The following SEC31A variants were observed in gnomAD, a reference collection of about 807,000 sequenced individuals.
SEC31A encodes the protein protein transport protein Sec31A.
In SEC31A, 70 loss-of-function variants were observed where a neutral mutation model predicts 151.0. That is an observed-to-expected ratio of 0.46 (90% CI 0.38 to 0.57). The LOEUF (loss-of-function observed/expected upper bound fraction) is 0.57. Among genes scored for constraint, SEC31A ranks in the 20% least tolerant of loss-of-function variants. The pLI, the probability that SEC31A is intolerant of heterozygous loss-of-function variation, is 0.00. For synonymous variants in SEC31A, 475 were observed against 505.9 expected (o/e 0.94, Z 0.82); for missense variants, 1,330 against 1,471.2 (o/e 0.90, Z 1.57).
intron 18 of SEC31A, among the ~76,000 whole-genome samples, chr4:82,852,888 T>C (rs1303981480): frequency 6.6e-6 from 1 of 152,110 alleles, no homozygotes; most frequent in Admixed American, 6.5e-5. Flanking sequence ...ATAAAACTGT[T>C]CCACCTGGCC....
intron 1 of SEC31A, among the ~76,000 whole-genome samples, chr4:82,889,384 C>T (rs1357049865): frequency 6.6e-6 from 1 of 151,928 alleles, no homozygotes; most frequent in Non-Finnish European, 1.5e-5. Flanking sequence ...AGACCCCCAT[C>T]TCTATAAAAA....
chr4:82,850,615 C>G (rs1167305163), intron 19 of SEC31A, among the ~76,000 whole-genome samples: 2 of 152,134 alleles, frequency 1.3e-5, no homozygotes, highest in Non-Finnish European at 2.9e-5. Flanking sequence ...AAATCAAGCT[C>G]CATCAGACAC....
chr4:82,894,431 T>A (rs955470923), upstream of SEC31A: 2 of 152,240 alleles, frequency 1.3e-5, no homozygotes, highest in Non-Finnish European at 2.9e-5. Context: ...ATGGTTTTGG[T>A]ACCTATCAGG....
At chr4:82,864,622 C>G in intron 10 of SEC31A, 24 bp from the exon 11 acceptor site, 1 of 1,605,440 alleles carries the variant, frequency 6.2e-7, no homozygotes, top group Non-Finnish European at 8.5e-7. Flanking sequence ...AATGAACAAA[C>G]TCAGTGTTAA....
chr4:82,899,048 A>C (rs1268627258), intron 3 of SEC31A, among the ~76,000 whole-genome samples: 1 of 152,246 alleles, frequency 6.6e-6, no homozygotes, highest in African/African-American at 2.4e-5. Flanking sequence ...TAAAGTACTG[A>C]TACGTGCTAT....
intron 25 of SEC31A, 91 bp downstream of exon 25, chr4:82,824,464 C>G (rs999060116): frequency 7.1e-7 from 1 of 1,416,480 alleles, no homozygotes; most frequent in Non-Finnish European, 9.5e-7. Flanking sequence ...CTCGGCCTCC[C>G]AAAGTGCTGG....
At position 82,874,608 on chromosome 4, in the gene SEC31A, T is replaced by TA. The variant is rs1560653343; in HGVS notation, c.639+2dup. 1 of 1,603,048 alleles carries TA rather than the reference T, an allele frequency of 6.2e-7. No individual in the cohort carries two copies. The highest frequency in any genetic ancestry group is 1.1e-5 in the South Asian group (1 of 88,596). ...GTTCATCACAAGTCAATCACATACT[T>TA]ACTCTGTTACTATGGTCACTGACTT... is the stretch of plus-strand genomic sequence containing the variant. On this transcript the variant is annotated splice_region_variant and intron_variant, in intron 6 of 26. Transcript: ENST00000395310.
intron 7 of SEC31A, chr4:82,871,311 T>TACATAC: frequency 7.6e-7 from 1 of 1,323,806 alleles, no homozygotes; most frequent in Non-Finnish European, 1.0e-6. Flanking sequence ...TATACATGCA[T>TACATAC]ACACACACAC....
intron 22 of SEC31A, among the ~76,000 whole-genome samples, chr4:82,833,255 G>C (rs1726400718): frequency 1.3e-5 from 2 of 152,138 alleles, no homozygotes; most frequent in Non-Finnish European, 2.9e-5. Context: ...GTACTTTGCA[G>C]GGACATGGAT....
chr4:82,839,532 T>A (rs946706067), intron 22 of SEC31A, among the ~76,000 whole-genome samples: 2 of 152,146 alleles, frequency 1.3e-5, no homozygotes, highest in African/African-American at 4.8e-5. Flanking sequence ...GTGATCCACC[T>A]GCCTCGGCCT....
chr4:82,859,472 T>C (rs949467676), intron 14 of SEC31A, among the ~76,000 whole-genome samples: 1 of 152,238 alleles, frequency 6.6e-6, no homozygotes, highest in African/African-American at 2.4e-5. Context: ...AAAGCTTTCT[T>C]ACATGAGATG....
At chr4:82,848,758 G>T in intron 20 of SEC31A, 46 bp downstream of exon 20, 1 of 1,523,370 alleles carries the variant, frequency 6.6e-7, no homozygotes, top group Non-Finnish European at 8.9e-7. Flanking sequence ...CCAATTTGAA[G>T]AGAAATACAA....
chr4:82,844,195 G>A, intron 21 of SEC31A, 191 bp downstream of exon 21: 1 of 531,840 alleles, frequency 1.9e-6, no homozygotes, highest in Non-Finnish European at 3.3e-6. Context: ...TGTGACAAAG[G>A]AGCTACTTCC....
chr4:82,877,141 C>T (rs1738148891), intron 4 of SEC31A, among the ~76,000 whole-genome samples: 1 of 151,950 alleles, frequency 6.6e-6, no homozygotes. Context: ...AGACAGAAGA[C>T]TTGCTTGAGC....
intron 22 of SEC31A, among the ~76,000 whole-genome samples, chr4:82,832,232 G>A (rs1482863063): frequency 6.6e-6 from 1 of 152,012 alleles, no homozygotes; most frequent in Non-Finnish European, 1.5e-5. Flanking sequence ...GGAACAGAAC[G>A]GAGGCCTCAG....
At chr4:82,827,300 T>G in intron 24 of SEC31A, 69 bp downstream of exon 24, 2 of 1,491,820 alleles carry the variant, frequency 1.3e-6, no homozygotes, top group Non-Finnish European at 1.8e-6. Context: ...TCATAAAAGT[T>G]AGCACATTAA....
intron 8 of SEC31A, among the ~76,000 whole-genome samples, chr4:82,868,440 T>A (rs1735877772): frequency 6.6e-6 from 1 of 151,886 alleles, no homozygotes; most frequent in South Asian, 2.1e-4. Flanking sequence ...GGTCAAGGTT[T>A]CAGTGACCCG....
At chr4:82,898,931 A>T (rs957193823) in intron 3 of SEC31A, among the ~76,000 whole-genome samples, 1 of 151,988 alleles carries the variant, frequency 6.6e-6, no homozygotes, top group African/African-American at 2.4e-5. Flanking sequence ...ACAAATGTTC[A>T]TAATAGTAAA....
At position 82,848,818 on chromosome 4, in the gene SEC31A, G is replaced by T. The variant is rs1277192271; in HGVS notation, c.2488C>A (p.Gln830Lys). ...ATATCACTCACATGGGGATAATATTGTTGAGTTTGAACTCTTGGCATCTGG... is the reference window on the plus strand; with the variant it reads ...ATATCACTCACATGGGGATAATATTTTTGAGTTTGAACTCTTGGCATCTGG... ...HHQMPRVQTQ[Q>K]YYPHGENPPP... The change falls in exon 20 of 27, where the codon CAA (glutamine) becomes AAA (lysine). Residue 830 changes from glutamine (Q) to lysine (K), a missense_variant. Gln to Lys is a moderately conservative substitution (Grantham distance 53). Coordinates refer to ENST00000395310, the MANE Select transcript of SEC31A (RefSeq NM_001077207.4). 1.2e-6 allele frequency: 2 copies of T among 1,613,082 alleles called. No homozygotes were observed. Among genetic ancestry groups the T allele is most frequent in the Non-Finnish European group, 1.7e-6 (2 of 1,179,668 alleles).
Sources: allele counts gnomAD v4.1 joint callset (sites outside exome capture counted in the v4.1 genomes callset), GRCh38; gene constraint gnomAD v4.1.1; transcripts MANE v1.5; gene names NCBI Gene and HGNC (gene_info 2026-07-23, HGNC 2026-07-21).